NFIB: variants seen among roughly 807,000 people sequenced by gnomAD.
The protein encoded by NFIB is nuclear factor I B, also known as nuclear factor 1 B-type.
In NFIB, 11 loss-of-function variants were observed where a neutral mutation model predicts 61.5. That is an observed-to-expected ratio of 0.18 (90% confidence interval 0.11 to 0.30). The LOEUF is 0.30. Ranked by LOEUF, NFIB falls within the 10% of genes least tolerant of loss-of-function variation. The pLI is 1.00. For synonymous variants in NFIB, 260 were observed against 216.5 expected, an observed-to-expected ratio of 1.20 and a Z score of -1.76; for missense variants, 471 against 608.9, an observed-to-expected ratio of 0.77 and a Z score of 2.38.
At chr9:14,294,527 T>C (rs541135032) in intron 2 of NFIB, among the ~76,000 whole-genome samples, 128 of 152,332 alleles carry the variant, frequency 8.4e-4, no homozygotes, top group African/African-American at 3.0e-3. Context: ...GTTTCATGTA[T>C]ATGATTTTCG....
chr9:14,458,582 T>C, the NFIB span, among the ~76,000 whole-genome samples: 1 of 152,204 alleles, frequency 6.6e-6, no homozygotes, highest in African/African-American at 2.4e-5. Flanking sequence ...AAATTGTCCC[T>C]CTTTGCAGAT....
chr9:14,269,317 C>T (rs1050922573), intron 2 of NFIB, among the ~76,000 whole-genome samples: 50 of 152,132 alleles, frequency 3.3e-4, no homozygotes, highest in Non-Finnish European at 6.9e-4. Flanking sequence ...TTTTCCTTTC[C>T]TTTTTTTAAC....
chr9:14,108,725 T>A, intron 10 of NFIB, among the ~76,000 whole-genome samples: 1 of 152,058 alleles, frequency 6.6e-6, no homozygotes, highest in East Asian at 1.9e-4. Context: ...AGTCAGGAGA[T>A]TATAATTTTG....
At chr9:14,429,449 G>T in the NFIB span, among the ~76,000 whole-genome samples, 1 of 152,184 alleles carries the variant, frequency 6.6e-6, no homozygotes. Flanking sequence ...TTTCCTCCCT[G>T]CAAGGCCCAC....
intron 2 of NFIB, among the ~76,000 whole-genome samples, chr9:14,244,600 C>T (rs1587883731): frequency 6.6e-6 from 1 of 152,144 alleles, no homozygotes; most frequent in Admixed American, 6.6e-5. Flanking sequence ...AACTTTGCAG[C>T]ATATCAAAGT....
At chr9:14,432,470 A>T in the NFIB span, among the ~76,000 whole-genome samples, 1 of 152,242 alleles carries the variant, frequency 6.6e-6, no homozygotes, top group Non-Finnish European at 1.5e-5. Context: ...ATTCTGACCA[A>T]CACAATCTCC....
intron 2 of NFIB, among the ~76,000 whole-genome samples, chr9:14,182,089 T>G (rs2046843307): frequency 6.6e-6 from 1 of 152,204 alleles, no homozygotes; most frequent in Non-Finnish European, 1.5e-5. Context: ...ACATCCCACT[T>G]GGGAAACTCT....
intron 2 of NFIB, among the ~76,000 whole-genome samples, chr9:14,212,361 A>T (rs1351435641): frequency 6.6e-6 from 1 of 152,224 alleles, no homozygotes; most frequent in African/African-American, 2.4e-5. Context: ...ACAAATGATT[A>T]TATACTCATT....
rs574416900 is a variant in NFIB, at chr9:14,112,901, C to T, written c.1467+98G>A. On this transcript the variant is annotated intron_variant, in intron 10 of 10. Transcript: ENST00000380953. ...TGATCAGTTTTGGTCTCAGAAGCCC[C>T]GGGAGCCCCCTTCTGAGTCCGGATC... The T allele has an allele frequency of 3.5e-5, 40 of 1,135,462 alleles. No individual in the cohort carries two copies. In the South Asian group the frequency reaches 4.3e-4, roughly 12 times the overall value. 70.3% of individuals were successfully genotyped at this position (1,135,462 alleles called of 1,614,324 possible).
At chr9:14,188,656 C>T (rs990872387) in intron 2 of NFIB, among the ~76,000 whole-genome samples, 1 of 152,200 alleles carries the variant, frequency 6.6e-6, no homozygotes, top group African/African-American at 2.4e-5. Flanking sequence ...CCACTGCGTA[C>T]TTTGAGGAAC....
chr9:14,229,706 C>T lies in NFIB; in HGVS notation c.563-49926G>A, dbSNP rs75859968. ...TTGCACTCCTCTCCACCTTCCCTTC[C>T]GGGCTTCAGGGCCCAGTGCAAGACC... On this transcript the variant is annotated intron_variant, in intron 2 of 10. Coordinates refer to ENST00000380953, the MANE Select transcript of NFIB (RefSeq NM_001190737.2). 9.7e-3 allele frequency among the ~76,000 whole-genome samples: 1,476 copies of T among 152,278 alleles called. 29 individuals carry two copies. Among genetic ancestry groups the T allele is most frequent in the African/African-American group, 0.033 (1,385 of 41,532 alleles).
intron 2 of NFIB, among the ~76,000 whole-genome samples, chr9:14,290,634 G>C (rs1412773791): frequency 6.6e-6 from 1 of 151,958 alleles, no homozygotes; most frequent in African/African-American, 2.4e-5. Context: ...AATTCACATG[G>C]TTTTATTTTA....
chr9:14,146,250 C>T (rs1361025244), intron 6 of NFIB, among the ~76,000 whole-genome samples: 1 of 152,074 alleles, frequency 6.6e-6, no homozygotes, highest in African/African-American at 2.4e-5. Flanking sequence ...TATGGTCTAC[C>T]TACTTCCAAA....
At chr9:14,152,301 T>C (rs1259545829) in intron 4 of NFIB, among the ~76,000 whole-genome samples, 3 of 152,144 alleles carry the variant, frequency 2.0e-5, no homozygotes, top group African/African-American at 7.2e-5. Context: ...GCTTGAATTA[T>C]TTGGACAGCT....
chr9:14,234,713 T>A (rs1202274713), intron 2 of NFIB, among the ~76,000 whole-genome samples: 1 of 152,170 alleles, frequency 6.6e-6, no homozygotes, highest in Non-Finnish European at 1.5e-5. Flanking sequence ...CTAGCATATT[T>A]TTAATTTAAT....
rs201739899 is a variant in NFIB at position 14,197,158 on chromosome 9, AC to A, written c.563-17379del. Among the ~76,000 whole-genome samples the A allele has an allele frequency of 6.4e-4, 98 of 152,340 alleles. 4 individuals are homozygous for A. The East Asian group carries it at 0.016, about 25-fold the overall frequency. ...TGCTTTATTCTGACCCTTTACAATTACCAGAAAGGAATGCAGAGCTTGACAA... is the reference window on the plus strand; with the variant it reads ...TGCTTTATTCTGACCCTTTACAATTACAGAAAGGAATGCAGAGCTTGACAA... On this transcript the variant is annotated intron_variant, in intron 2 of 10. Transcript: ENST00000380953.
At chr9:14,306,879 G>A (rs1357170246) in intron 2 of NFIB, 110 bp downstream of exon 2, 121 of 1,328,364 alleles carry the variant, frequency 9.1e-5, no homozygotes, top group Non-Finnish European at 1.2e-4. Context: ...CAGAGAGGGT[G>A]GAGGATATCT....
chr9:14,433,912 G>A, the NFIB span, among the ~76,000 whole-genome samples: 39,948 of 151,940 alleles, frequency 0.26, 5,811 homozygotes, highest in African/African-American at 0.37. Flanking sequence ...GATCAGCCTC[G>A]TTCTCTTCCA....
intron 2 of NFIB, among the ~76,000 whole-genome samples, chr9:14,196,719 C>A (rs1325794479): frequency 1.3e-5 from 2 of 149,524 alleles, no homozygotes; most frequent in African/African-American, 4.9e-5. Flanking sequence ...AGCCTAAGTT[C>A]ATCACTCCTA....
Sources: gnomAD v4.1 joint callset for allele counts (sites outside exome capture counted in the v4.1 genomes callset) on GRCh38, gnomAD v4.1.1 for gene constraint, MANE v1.5 for transcripts, NCBI Gene and HGNC (gene_info 2026-07-23, HGNC 2026-07-21) for gene names.